Variants in AMH observed in about 807,000 individuals in gnomAD.
The protein encoded by AMH is anti-Muellerian hormone.
Under a neutral mutation model 33.3 loss-of-function variants are expected in AMH, and 39 were observed. The observed-to-expected ratio is 1.17, with a 90% CI of 0.91 to 1.53. AMH has a LOEUF of 1.53. Ranked by LOEUF, AMH falls within the 40% of genes most tolerant of loss-of-function variation. AMH has a pLI of 0.00. For synonymous variants in AMH, 536 were observed against 403.0 expected (o/e 1.33, Z -3.95); for missense variants, 1,019 against 799.8 (o/e 1.27, Z -3.30).
chr19:2,251,863 C>A lies in AMH; in HGVS notation c.1589C>A (p.Ala530Asp). 1 of 1,590,436 alleles carries A rather than the reference C, an allele frequency of 6.3e-7. No individual in the cohort carries two copies. Among genetic ancestry groups the A allele is most frequent in the East Asian group, 2.3e-5 (1 of 44,140 alleles). ...LARPPCCVPT[A>D]YAGKLLISLS... is the part of the protein sequence containing the mutation. ...CGCCCACCCTGCTGCGTGCCCACCG[C>A]CTACGCGGGCAAGCTGCTCATCAGC... Residue 530 changes from alanine (A) to aspartate (D), a missense_variant, in exon 5 of 5, where the codon GCC (alanine) becomes GAC (aspartate). Ala to Asp is a moderately radical substitution (Grantham distance 126). Coordinates refer to ENST00000221496, the MANE Select transcript of AMH (RefSeq NM_000479.5).
Position 2,250,365 on chromosome 19 carries a change from G to A in AMH, c.441G>A (p.Arg147=), listed in dbSNP as rs2025008187. ...CCTGGGAGCCAACACCCTCGCTGAG[G>A]TTCCAGGAGCCCCCGCCTGGAGGAG... The part of the protein sequence containing the change: ...EVTWEPTPSL[R]FQEPPPGGAG... Residue 147 remains arginine, a synonymous_variant, in exon 2 of 5, where the codon AGG becomes AGA. Coordinates refer to ENST00000221496, the MANE Select transcript of AMH (RefSeq NM_000479.5). 2 of 1,597,708 alleles carry A rather than the reference G, an allele frequency of 1.3e-6. No homozygotes were observed. The highest frequency in any genetic ancestry group is 1.7e-6 in the Non-Finnish European group (2 of 1,174,618).
chr19:2,250,291 G>A (rs1472798817), intron 1 of AMH, 46 bp from the exon 2 acceptor site: 1 of 1,563,232 alleles, frequency 6.4e-7, no homozygotes, highest in East Asian at 2.3e-5. Context: ...TTCCCGGGGG[G>A]TGTGGCCTTC....
Position 2,249,469 on chromosome 19 carries a change from C to A in AMH, c.137C>A (p.Pro46His), listed in dbSNP as rs766630178. 3 of 1,607,290 alleles carry A rather than the reference C, an allele frequency of 1.9e-6. No homozygotes were observed. Among genetic ancestry groups the A allele is most frequent in the Admixed American group, 3.4e-5 (2 of 59,474 alleles). The change falls in exon 1 of 5, where the codon CCT becomes CAT. Residue 46 changes from proline to histidine, a missense_variant. Transcript: ENST00000221496. The stretch of plus-strand genomic sequence containing the variant: ...ATCTTCCGAGAAGACTTGGACTGGC[C>A]TCCAGGCAGCCCACAAGAGCCTCTG... ...GLIFREDLDWPPGSPQEPLCL... is the reference protein window; with the variant it reads ...GLIFREDLDWHPGSPQEPLCL...
At position 2,249,717 on chromosome 19, in the gene AMH, C is replaced by T. The variant is rs376499355; in HGVS notation, c.385C>T (p.Arg129Cys). The T allele has an allele frequency of 8.0e-5, 121 of 1,506,418 alleles. 1 individual carries two copies. The highest frequency in any genetic ancestry group is 2.0e-4 in the South Asian group (15 of 73,814). The allele number at this position is 1,506,418 out of a possible 1,614,324, so 93.3% of individuals were successfully genotyped here. ...CTGGCTGCGGGACCCTGGGGGGCAG[C>T]GCCTGGTGGTCCTACACCTGGAGGA... ...GAWLRDPGGQ[R>C]LVVLHLEEVT... Residue 129 changes from arginine (R) to cysteine (C), a missense_variant, in exon 1 of 5, where the codon CGC becomes TGC. Transcript: ENST00000221496.
chr19:2,249,611 C>A lies in AMH; in HGVS notation c.279C>A (p.Gly93=). The A allele has an allele frequency of 6.5e-7, 1 of 1,540,836 alleles. No homozygotes were observed. The highest frequency in any genetic ancestry group is 8.7e-7 in the Non-Finnish European group (1 of 1,145,334). Residue 93 remains glycine, a synonymous_variant, in exon 1 of 5, where the codon GGC becomes GGA. Transcript: ENST00000221496. ...FLGAVQRARW[G]PRDLATFGVC... ...GGGCCGTGCAGAGGGCCCGCTGGGG[C>A]CCCCGAGACCTGGCCACCTTCGGGG...
At position 2,251,998 on chromosome 19, in the gene AMH, C is replaced by T. The variant is rs781181706; in HGVS notation, c.*41C>T. 2.6e-6 allele frequency: 4 copies of T among 1,528,946 alleles called. No individual in the cohort carries two copies. Among genetic ancestry groups the T allele is most frequent in the Non-Finnish European group, 3.5e-6 (4 of 1,143,408 alleles). 94.7% of individuals were successfully genotyped at this position (1,528,946 alleles called of 1,614,324 possible). A position where few individuals can be genotyped will look rare whatever the true frequency, so the allele number is the denominator to read the frequency against. On this transcript the variant is annotated 3_prime_UTR_variant, in exon 5 of 5. Transcript: ENST00000221496. ...GACTCCTGCCCCGAGGGTCCGGACGCGCCCCAGCTCGCGCCCCTTCCCATA... is the reference window on the plus strand; with the variant it reads ...GACTCCTGCCCCGAGGGTCCGGACGTGCCCCAGCTCGCGCCCCTTCCCATA...
chr19:2,249,984 C>T, intron 1 of AMH: 1 of 622,590 alleles, frequency 1.6e-6, no homozygotes, highest in Non-Finnish European at 2.8e-6. Context: ...CTGCTGCCTT[C>T]TCCCCACCCC....
chr19:2,251,728 C>G lies in AMH; in HGVS notation c.1454C>G (p.Ala485Gly), dbSNP rs1377488349. 6.2e-7 allele frequency: 1 copy of G among 1,611,738 alleles called. No homozygotes were observed. Among genetic ancestry groups the G allele is most frequent in the Non-Finnish European group, 8.5e-7 (1 of 1,179,624 alleles). ...RSVLIPETYQ[A>G]NNCQGVCGWP... ...GTACTCATCCCCGAGACCTACCAGGCCAACAATTGCCAGGGCGTGTGCGGC... is the reference window on the plus strand; with the variant it reads ...GTACTCATCCCCGAGACCTACCAGGGCAACAATTGCCAGGGCGTGTGCGGC... The change falls in exon 5 of 5, where the codon GCC (alanine) becomes GGC (glycine). Residue 485 changes from alanine to glycine, a missense_variant. Ala to Gly is a moderately conservative substitution (Grantham distance 60). Coordinates refer to ENST00000221496, the MANE Select transcript of AMH (RefSeq NM_000479.5).
At position 2,249,484 on chromosome 19, in the gene AMH, A is replaced by G; in HGVS notation, c.152A>G (p.Gln51Arg). The G allele has an allele frequency of 6.2e-7, 1 of 1,607,146 alleles. No homozygotes were observed. Among genetic ancestry groups the G allele is most frequent in the African/African-American group, 1.3e-5 (1 of 74,950 alleles). The stretch of plus-strand genomic sequence containing the variant: ...TTGGACTGGCCTCCAGGCAGCCCAC[A>G]AGAGCCTCTGTGCCTGGTGGCACTG... ...EDLDWPPGSP[Q>R]EPLCLVALGG... The change falls in exon 1 of 5, where the codon CAA becomes CGA. Residue 51 changes from glutamine (Q) to arginine (R), a missense_variant. Gln to Arg is a conservative substitution (Grantham distance 43). Transcript: ENST00000221496.
chr19:2,251,495 G>A lies in AMH; in HGVS notation c.1221G>A (p.Leu407=), dbSNP rs1363308144. Residue 407 remains leucine, a synonymous_variant, in exon 5 of 5, where the codon CTG becomes CTA. Coordinates refer to ENST00000221496, the MANE Select transcript of AMH (RefSeq NM_000479.5). ...PPATAPLLAR[L]LALCPGGPGG... Reference sequence around the variant, plus strand: ...CCACAGCCCCGCTGCTGGCGCGCCTGCTCGCGCTCTGCCCAGGTGGCCCCG... The same window carrying A: ...CCACAGCCCCGCTGCTGGCGCGCCTACTCGCGCTCTGCCCAGGTGGCCCCG... The A allele has an allele frequency of 7.3e-7, 1 of 1,375,286 alleles. No homozygotes were observed. Among genetic ancestry groups the A allele is most frequent in the Non-Finnish European group, 9.3e-7 (1 of 1,070,850 alleles). 85.2% of individuals were successfully genotyped at this position (1,375,286 alleles called of 1,614,324 possible).
chr19:2,251,165 G>A lies in AMH; in HGVS notation c.891G>A (p.Leu297=), dbSNP rs1486771404. 6.6e-7 allele frequency: 1 copy of A among 1,520,600 alleles called. No individual in the cohort carries two copies. The highest frequency in any genetic ancestry group is 2.0e-5 in the Admixed American group (1 of 49,990). 94.2% of individuals were successfully genotyped at this position (1,520,600 alleles called of 1,614,324 possible). A position where few individuals can be genotyped will look rare whatever the true frequency, so the allele number is the denominator to read the frequency against. ...CCTTCCTGGAGACGCTCACGCGCCT[G>A]GTGCGGGCGCTGCGGGTCCCCCCGG... ...ADPFLETLTR[L]VRALRVPPAR... is the part of the protein sequence containing the mutation. The change falls in exon 5 of 5, where the codon CTG becomes CTA. Residue 297 remains leucine, a synonymous_variant. Coordinates refer to ENST00000221496, the MANE Select transcript of AMH (RefSeq NM_000479.5).
rs1396257785 is a variant in AMH at position 2,251,909 on chromosome 19, C to T, written c.1635C>T (p.Ser545=). The part of the protein sequence containing the change: ...LLISLSEERI[S]AHHVPNMVAT... ...TCAGCCTGTCGGAGGAGCGCATCAG[C>T]GCGCACCACGTGCCCAACATGGTGG... Residue 545 remains serine, a synonymous_variant, in exon 5 of 5, where the codon AGC becomes AGT. Transcript: ENST00000221496. 1.3e-6 allele frequency: 2 copies of T among 1,561,874 alleles called. No individual in the cohort carries two copies. The highest frequency in any genetic ancestry group is 1.7e-6 in the Non-Finnish European group (2 of 1,162,152).
rs1183164462 is a variant in AMH, at chr19:2,251,019, G to A, written c.824+11G>A. On this transcript the variant is annotated intron_variant, in intron 4 of 4. Coordinates refer to ENST00000221496, the MANE Select transcript of AMH (RefSeq NM_000479.5). Reference sequence around the variant, plus strand: ...CTTCCCGCCGCCCAGGTGCGCGCAGGCACCGGGACACGGGGCAGGAGCGGG... The same window carrying A: ...CTTCCCGCCGCCCAGGTGCGCGCAGACACCGGGACACGGGGCAGGAGCGGG... 6.6e-7 allele frequency: 1 copy of A among 1,516,488 alleles called. No individual in the cohort carries two copies. Among genetic ancestry groups the A allele is most frequent in the Admixed American group, 2.0e-5 (1 of 49,630 alleles). The allele number at this position is 1,516,488 out of a possible 1,614,324, so 93.9% of individuals were successfully genotyped here. A position where few individuals can be genotyped will look rare whatever the true frequency, so the allele number is the denominator to read the frequency against.
chr19:2,251,985 G>C lies in AMH; in HGVS notation c.*28G>C. The stretch of plus-strand genomic sequence containing the variant: ...CCTGCGCCGCGCGGACTCCTGCCCC[G>C]AGGGTCCGGACGCGCCCCAGCTCGC... On this transcript the variant is annotated 3_prime_UTR_variant, in exon 5 of 5. Transcript: ENST00000221496. The C allele has an allele frequency of 1.3e-6, 2 of 1,533,986 alleles. No homozygotes were observed. Among genetic ancestry groups the C allele is most frequent in the African/African-American group, 2.7e-5 (2 of 73,078 alleles).
At position 2,250,969 on chromosome 19, in the gene AMH, C is replaced by A. The variant is rs2025029301; in HGVS notation, c.785C>A (p.Ala262Glu). 6.6e-7 allele frequency: 1 copy of A among 1,521,188 alleles called. No homozygotes were observed. The highest frequency in any genetic ancestry group is 2.0e-5 in the Admixed American group (1 of 50,048). The allele number at this position is 1,521,188 out of a possible 1,614,324, so 94.2% of individuals were successfully genotyped here. Residue 262 changes from alanine (A) to glutamate (E), a missense_variant, in exon 4 of 5, where the codon GCG becomes GAG. Coordinates refer to ENST00000221496, the MANE Select transcript of AMH (RefSeq NM_000479.5). ...LPRSEPAPLP[A>E]HGQLDTVPFP... ...CGGTCCGAGCCCGCGCCGCTGCCTG[C>A]GCACGGCCAGCTGGACACCGTGCCC...
rs749215374 is a variant in AMH at position 2,251,702 on chromosome 19, CG to C, written c.1429del (p.Val477TyrfsTer35). 5.6e-6 allele frequency: 9 copies of C among 1,611,586 alleles called. No homozygotes were observed. Among genetic ancestry groups the C allele is most frequent in the Non-Finnish European group, 7.6e-6 (9 of 1,179,522 alleles). ...LSVDLRAERSVLIPETYQANN... is the reference protein window; with the variant it reads ...LSVDLRAERSXLIPETYQANN... ...GCGTAGACCTCCGCGCCGAGCGCTC[CG>C]TACTCATCCCCGAGACCTACCAGGC... On this transcript the variant is annotated frameshift_variant, in exon 5 of 5. Coordinates refer to ENST00000221496, the MANE Select transcript of AMH (RefSeq NM_000479.5). LOFTEE classifies it high-confidence loss of function.
chr19:2,250,219 C>T (rs908379419), intron 1 of AMH, 118 bp from the exon 2 acceptor site: 5 of 1,482,222 alleles, frequency 3.4e-6, no homozygotes, highest in Non-Finnish European at 4.5e-6. Context: ...AGAGGGGCAC[C>T]CTTGTCCCCC....
At chr19:2,250,179 C>T in intron 1 of AMH, 158 bp from the exon 2 acceptor site, 4 of 1,272,102 alleles carry the variant, frequency 3.1e-6, no homozygotes, top group Non-Finnish European at 4.4e-6. Context: ...CCCCTGCCGT[C>T]ACCGCTCCCT....
rs1389905863 is a variant in AMH at position 2,251,853 on chromosome 19, G to T, written c.1579G>T (p.Val527Leu). The change falls in exon 5 of 5, where the codon GTG becomes TTG. Residue 527 changes from valine (V) to leucine (L), a missense_variant. By Grantham distance (32) the Val-to-Leu change is conservative. Coordinates refer to ENST00000221496, the MANE Select transcript of AMH (RefSeq NM_000479.5). ...GAALARPPCCVPTAYAGKLLI... is the reference protein window; with the variant it reads ...GAALARPPCCLPTAYAGKLLI... ...CGCCCTGGCGCGCCCACCCTGCTGCGTGCCCACCGCCTACGCGGGCAAGCT... is the reference window on the plus strand; with the variant it reads ...CGCCCTGGCGCGCCCACCCTGCTGCTTGCCCACCGCCTACGCGGGCAAGCT... The T allele has an allele frequency of 6.3e-6, 10 of 1,593,692 alleles. No individual in the cohort carries two copies. In the East Asian group the frequency reaches 1.8e-4, roughly 29 times the overall value.
Sources: gnomAD v4.1 joint callset for allele counts on GRCh38, gnomAD v4.1.1 for gene constraint, MANE v1.5 for transcripts, NCBI Gene and HGNC (gene_info 2026-07-23, HGNC 2026-07-21) for gene names.